MCU: variants seen among roughly 807,000 people sequenced by gnomAD.
The protein encoded by MCU is calcium uniporter protein, mitochondrial.
A neutral mutation model predicts 45.2 loss-of-function variants in MCU; 12 were observed. The ratio of observed to expected loss-of-function variants is 0.27; its 90% CI spans 0.17 to 0.43. The LOEUF is 0.43. MCU is among the 20% of genes least tolerant of loss of function. MCU has a pLI of 1.00. For missense variants in MCU, 324 were observed against 436.7 expected (o/e 0.74, Z 2.30); for synonymous variants, 160 against 165.1 (o/e 0.97, Z 0.24).
intron 1 of MCU, among the ~76,000 whole-genome samples, chr10:72,807,874 G>A (rs1215711581): frequency 6.6e-6 from 1 of 152,080 alleles, no homozygotes; most frequent in Non-Finnish European, 1.5e-5. Context: ...AAACTGAAAA[G>A]GAAAATAATT....
At chr10:72,751,194 G>A (rs1055999017) in intron 1 of MCU, among the ~76,000 whole-genome samples, 8 of 151,366 alleles carry the variant, frequency 5.3e-5, no homozygotes, top group African/African-American at 1.7e-4. Context: ...GTAGAGATGG[G>A]GTTTCACCAT....
chr10:72,883,233 G>A (rs1236435346), intron 6 of MCU, among the ~76,000 whole-genome samples: 1 of 152,164 alleles, frequency 6.6e-6, no homozygotes, highest in Non-Finnish European at 1.5e-5. Flanking sequence ...TGGGGGGAGA[G>A]GAGACTTGAC....
intron 6 of MCU, among the ~76,000 whole-genome samples, chr10:72,882,431 C>A (rs182687004): frequency 2.6e-5 from 4 of 152,272 alleles, no homozygotes; most frequent in African/African-American, 7.2e-5. Flanking sequence ...TCGCTGAATT[C>A]TTTTTCTCAG....
intron 1 of MCU, among the ~76,000 whole-genome samples, chr10:72,762,575 A>G (rs927337930): frequency 1.3e-5 from 2 of 152,190 alleles, no homozygotes; most frequent in Admixed American, 6.5e-5. Flanking sequence ...TCATATTGCC[A>G]ATTAAGATTC....
intron 1 of MCU, among the ~76,000 whole-genome samples, chr10:72,830,331 C>T (rs1445692797): frequency 6.6e-6 from 1 of 152,078 alleles, no homozygotes; most frequent in African/African-American, 2.4e-5. Context: ...GTTCACTGCC[C>T]CACAAAAACA....
intron 1 of MCU, among the ~76,000 whole-genome samples, chr10:72,757,933 T>C (rs903854945): frequency 1.3e-5 from 2 of 152,224 alleles, no homozygotes; most frequent in Non-Finnish European, 2.9e-5. Context: ...CTTAGAACAC[T>C]TGCCTATGTA....
intron 1 of MCU, among the ~76,000 whole-genome samples, chr10:72,751,327 A>ATCTTCT (rs1554821994): frequency 2.1e-5 from 2 of 95,636 alleles, no homozygotes; most frequent in African/African-American, 8.0e-5. Context: ...TTTCTCTAAC[A>ATCTTCT]TCTTCTTCTT....
intron 1 of MCU, among the ~76,000 whole-genome samples, chr10:72,786,424 A>G (rs924424358): frequency 1.3e-5 from 2 of 152,106 alleles, no homozygotes; most frequent in African/African-American, 4.8e-5. Flanking sequence ...GTAAGTTACT[A>G]ATTTACAGAT....
intron 2 of MCU, among the ~76,000 whole-genome samples, chr10:72,836,007 T>C (rs1291389241): frequency 6.6e-6 from 1 of 152,142 alleles, no homozygotes; most frequent in African/African-American, 2.4e-5. Context: ...CTCTTGACAC[T>C]GCTTGGTCCA....
intron 1 of MCU, among the ~76,000 whole-genome samples, chr10:72,718,367 A>G (rs1468381857): frequency 1.3e-5 from 2 of 152,204 alleles, no homozygotes; most frequent in East Asian, 3.8e-4. Context: ...GGATTTGGTT[A>G]CTTCTGTCAT....
chr10:72,813,644 A>G (rs1412191117), intron 1 of MCU, among the ~76,000 whole-genome samples: 1 of 151,922 alleles, frequency 6.6e-6, no homozygotes, highest in Non-Finnish European at 1.5e-5. Flanking sequence ...GTTTTAGTAG[A>G]GACAGGGTTT....
chr10:72,854,047 T>C (rs1364942561), intron 2 of MCU, among the ~76,000 whole-genome samples: 2 of 152,180 alleles, frequency 1.3e-5, no homozygotes, highest in Middle Eastern at 3.4e-3. Context: ...GGCAGGAGAA[T>C]CGCTTGAAGG....
rs1589443215 is a variant in MCU, at chr10:72,749,145, C to T, written c.150+56844C>T. Among the ~76,000 whole-genome samples, 4 of 150,920 alleles carry T rather than the reference C, an allele frequency of 2.7e-5. No homozygotes were observed. The Middle Eastern group carries it at 0.01, about 385-fold the overall frequency. On this transcript the variant is annotated intron_variant, in intron 1 of 7. Transcript: ENST00000373053. The stretch of plus-strand genomic sequence containing the variant: ...AAAATGTTGTTTTTTTTTTGCCAGT[C>T]ATGGTGGCACATGTATGTGGTCTCA...
chr10:72,828,872 A>G (rs1844836166), intron 1 of MCU, among the ~76,000 whole-genome samples: 1 of 152,194 alleles, frequency 6.6e-6, no homozygotes, highest in South Asian at 2.1e-4. Context: ...ATACTGTGGC[A>G]GACGTTATAC....
intron 1 of MCU, among the ~76,000 whole-genome samples, chr10:72,786,733 G>A (rs924561538): frequency 6.6e-6 from 1 of 152,104 alleles, no homozygotes; most frequent in Non-Finnish European, 1.5e-5. Flanking sequence ...GCAACAGAGC[G>A]AGACAATGTC....
intron 1 of MCU, chr10:72,692,566 GGC>G: frequency 9.1e-7 from 1 of 1,093,176 alleles, no homozygotes; most frequent in Non-Finnish European, 1.1e-6. Context: ...GGGCGGGGAA[GGC>G]ACGGGACTTG....
intron 1 of MCU, chr10:72,715,842 G>C (rs1842949611): frequency 1.0e-6 from 1 of 984,954 alleles, no homozygotes; most frequent in African/African-American, 1.7e-5. Flanking sequence ...GTGTTTTCCT[G>C]CTCTGTCTTA....
intron 1 of MCU, among the ~76,000 whole-genome samples, chr10:72,785,008 A>G (rs1474845758): frequency 1.3e-5 from 2 of 152,206 alleles, no homozygotes; most frequent in Non-Finnish European, 2.9e-5. Flanking sequence ...TGCGTTGTCA[A>G]GGATTTTAGG....
At chr10:72,762,766 G>T (rs1252677369) in intron 1 of MCU, among the ~76,000 whole-genome samples, 1 of 152,004 alleles carries the variant, frequency 6.6e-6, no homozygotes, top group African/African-American at 2.4e-5. Flanking sequence ...CAGGAAGCAG[G>T]CACAGATAGT....
Sources: allele counts gnomAD v4.1 joint callset (sites outside exome capture counted in the v4.1 genomes callset), GRCh38; gene constraint gnomAD v4.1.1; transcripts MANE v1.5; gene names NCBI Gene and HGNC (gene_info 2026-07-23, HGNC 2026-07-21).